Variants in VWA3B observed in about 807,000 individuals in gnomAD.
VWA3B encodes von Willebrand factor A domain-containing protein 3B.
A neutral mutation model predicts 158.3 loss-of-function variants in VWA3B; 138 were observed. The observed-to-expected ratio is 0.87, with a 90% CI of 0.76 to 1.00. VWA3B has a LOEUF of 1.00. Ranked by LOEUF, VWA3B falls within the 50% of genes least tolerant of loss-of-function variation. The pLI is 0.00. For synonymous variants in VWA3B, 596 were observed against 587.3 expected (o/e 1.01, Z -0.21); for missense variants, 1,555 against 1,565.1 (o/e 0.99, Z 0.11).
intron 21 of VWA3B, among the ~76,000 whole-genome samples, chr2:98,262,913 A>G (rs541408857): frequency 6.6e-6 from 1 of 152,036 alleles, no homozygotes; most frequent in African/African-American, 2.4e-5. Flanking sequence ...CAATCCATGA[A>G]CACAAAATGT....
Position 98,290,575 on chromosome 2 carries a change from G to A in VWA3B, c.3110G>A (p.Gly1037Glu). The A allele has an allele frequency of 6.3e-7, 1 of 1,593,454 alleles. No homozygotes were observed. Among genetic ancestry groups the A allele is most frequent in the Non-Finnish European group, 8.5e-7 (1 of 1,174,380 alleles). Residue 1037 changes from glycine to glutamate, a missense_variant, in exon 23 of 28, where the codon GGA (glycine) becomes GAA (glutamate). Coordinates refer to ENST00000477737, the MANE Select transcript of VWA3B (RefSeq NM_144992.5). ...TKSKRPDPLK[G>E]QKVIARCDEN... Reference sequence around the variant, plus strand: ...TCAAAAAGACCAGATCCCCTCAAAGGACAGAAGGTTATTGCAAGATGTGAT... The same window carrying A: ...TCAAAAAGACCAGATCCCCTCAAAGAACAGAAGGTTATTGCAAGATGTGAT...
At chr2:98,328,288 G>T in the VWA3B span, among the ~76,000 whole-genome samples, 2 of 152,076 alleles carry the variant, frequency 1.3e-5, no homozygotes, top group African/African-American at 4.8e-5. Flanking sequence ...CTATGATTGG[G>T]AACAAGCCAA....
At chr2:98,196,026 C>T (rs1235467303) in intron 12 of VWA3B, among the ~76,000 whole-genome samples, 1 of 152,124 alleles carries the variant, frequency 6.6e-6, no homozygotes, top group Admixed American at 6.5e-5. Context: ...AAAGAAAAAA[C>T]ACCACATGAT....
Position 98,270,720 on chromosome 2 carries a change from A to C in VWA3B, c.2882A>C (p.Lys961Thr), listed in dbSNP as rs1688146205. 3 of 1,614,012 alleles carry C rather than the reference A, an allele frequency of 1.9e-6. No individual in the cohort carries two copies. The highest frequency in any genetic ancestry group is 1.7e-5 in the Admixed American group (1 of 60,004). Residue 961 changes from lysine (K) to threonine (T), a missense_variant, in exon 22 of 28, where the codon AAA becomes ACA. Transcript: ENST00000477737. ...AAACCAATACAGTACTTGGAAAACA[A>C]AACAGTTTTAAACCAGGCTTTAGAA... ...ANKPIQYLEN[K>T]TVLNQALERL...
At chr2:98,250,520 T>A in intron 20 of VWA3B, 84 bp downstream of exon 20, 2 of 1,003,402 alleles carry the variant, frequency 2.0e-6, no homozygotes, top group Non-Finnish European at 2.8e-6. Flanking sequence ...AGCTTAGCTT[T>A]TTTTTTTTTT....
chr2:98,192,816 A>G (rs1384969207), intron 10 of VWA3B, 82 bp from the exon 11 acceptor site: 11 of 1,578,868 alleles, frequency 7.0e-6, no homozygotes, highest in Non-Finnish European at 9.6e-6. Context: ...TGTCCTCTGC[A>G]GATGCATCGT....
chr2:98,187,991 C>T lies in VWA3B; in HGVS notation c.1328C>T (p.Thr443Ile), dbSNP rs1681252682. The change falls in exon 10 of 28, where the codon ACA (threonine) becomes ATA (isoleucine). Residue 443 changes from threonine (T) to isoleucine (I), a missense_variant. Physicochemically the swap from Thr to Ile is moderately conservative, Grantham distance 89 (BLOSUM62 -1). Transcript: ENST00000477737. ...TCTCCTTAGGAGACGAACAAGAAGA[C>T]AGTCCATGCAAAATATTGCAGCAGG... is the stretch of plus-strand genomic sequence containing the variant. ...VQTSAETNKK[T>I]VHAKYCSRFV... The T allele has an allele frequency of 1.2e-6, 2 of 1,612,788 alleles. No homozygotes were observed. Among genetic ancestry groups the T allele is most frequent in the Non-Finnish European group, 8.5e-7 (1 of 1,179,436 alleles).
chr2:98,270,942 A>G (rs1411589944), intron 22 of VWA3B, 59 bp downstream of exon 22: 7 of 1,540,324 alleles, frequency 4.5e-6, no homozygotes, highest in Non-Finnish European at 6.2e-6. Context: ...AGTCATTGCC[A>G]TTCCTACATT....
chr2:98,230,311 G>C, intron 16 of VWA3B, 104 bp downstream of exon 16: 1 of 1,219,752 alleles, frequency 8.2e-7, no homozygotes, highest in Non-Finnish European at 1.1e-6. Flanking sequence ...CACTAAACTT[G>C]TGGGTTTTTT....
At chr2:98,240,684 G>T (rs1686020409) in intron 19 of VWA3B, among the ~76,000 whole-genome samples, 1 of 152,112 alleles carries the variant, frequency 6.6e-6, no homozygotes, top group South Asian at 2.1e-4. Context: ...GCAGACATAA[G>T]ATCTTTATTC....
At chr2:98,296,270 G>A (rs1297392332) in intron 23 of VWA3B, among the ~76,000 whole-genome samples, 1 of 152,218 alleles carries the variant, frequency 6.6e-6, no homozygotes, top group Admixed American at 6.5e-5. Context: ...GCCGTGGGAG[G>A]GACGTGGGGC....
chr2:98,215,546 C>G (rs1243682140), intron 13 of VWA3B, among the ~76,000 whole-genome samples: 1 of 151,748 alleles, frequency 6.6e-6, no homozygotes, highest in African/African-American at 2.4e-5. Flanking sequence ...GAGACAGAGT[C>G]TGGCTCTGTC....
chr2:98,319,781 G>A, the VWA3B span, among the ~76,000 whole-genome samples: 22 of 151,942 alleles, frequency 1.4e-4, no homozygotes, highest in African/African-American at 4.1e-4. Flanking sequence ...TTGGGAGGCT[G>A]AGGCATGAGA....
At chr2:98,315,902 G>A (rs1030974224), downstream of VWA3B, among the ~76,000 whole-genome samples, 23 of 152,270 alleles carry the variant, frequency 1.5e-4, no homozygotes, top group African/African-American at 4.1e-4. Context: ...AATCATGATC[G>A]ATTAGAAGAT....
chr2:98,240,678 A>T (rs1417930545), intron 19 of VWA3B, among the ~76,000 whole-genome samples: 1 of 152,200 alleles, frequency 6.6e-6, no homozygotes, highest in Non-Finnish European at 1.5e-5. Context: ...TAGGATGCAG[A>T]CATAAGATCT....
At chr2:98,277,329 T>G (rs762192824) in intron 22 of VWA3B, among the ~76,000 whole-genome samples, 1 of 152,198 alleles carries the variant, frequency 6.6e-6, no homozygotes, top group South Asian at 2.1e-4. Flanking sequence ...CCCTCAGAGC[T>G]GAACGATAGG....
At chr2:98,135,317 A>C (rs1676178397) in intron 7 of VWA3B, among the ~76,000 whole-genome samples, 2 of 148,888 alleles carry the variant, frequency 1.3e-5, no homozygotes, top group Admixed American at 6.7e-5. Flanking sequence ...ACATACAAAA[A>C]CATTTTTCTT....
intron 21 of VWA3B, among the ~76,000 whole-genome samples, chr2:98,257,440 A>G (rs1449739845): frequency 1.3e-5 from 2 of 152,026 alleles, no homozygotes; most frequent in African/African-American, 4.8e-5. Context: ...AGGTGTCCCT[A>G]TGATACATAT....
intron 14 of VWA3B, among the ~76,000 whole-genome samples, chr2:98,224,987 G>A (rs763712741): frequency 1.3e-5 from 2 of 152,110 alleles, no homozygotes; most frequent in South Asian, 2.1e-4. Context: ...AGGCTGGAGC[G>A]CAGTGGTGCA....
Sources: allele counts gnomAD v4.1 joint callset (sites outside exome capture counted in the v4.1 genomes callset), GRCh38; gene constraint gnomAD v4.1.1; transcripts MANE v1.5; gene names NCBI Gene and HGNC (gene_info 2026-07-23, HGNC 2026-07-21).